HYAL4: variants seen among roughly 807,000 people sequenced by gnomAD.
HYAL4 encodes the protein hyaluronidase 4, also known as hyaluronidase-4.
A neutral mutation model predicts 35.2 loss-of-function variants in HYAL4; 37 were observed. The observed-to-expected ratio is 1.05, with a 90% CI of 0.81 to 1.38. The LOEUF is 1.38. Ranked by LOEUF, HYAL4 falls within the 40% of genes most tolerant of loss-of-function variation. HYAL4 has a pLI of 0.00. For synonymous variants in HYAL4, 198 were observed against 203.2 expected, an observed-to-expected ratio of 0.97 and a Z score of 0.22; for missense variants, 572 against 572.4, an observed-to-expected ratio of 1.00 and a Z score of 0.01.
At chr7:123,805,007 G>A in the HYAL4 span, among the ~76,000 whole-genome samples, 1 of 152,136 alleles carries the variant, frequency 6.6e-6, no homozygotes, top group African/African-American at 2.4e-5. Context: ...TTAACCTCTA[G>A]CCTTTCTTCC....
the HYAL4 span, among the ~76,000 whole-genome samples, chr7:123,807,424 T>A: frequency 6.7e-6 from 1 of 149,184 alleles, no homozygotes; most frequent in Admixed American, 6.7e-5. Context: ...TTACTTTTAC[T>A]TTTTATGGTT....
chr7:123,814,848 A>G, the HYAL4 span: 1 of 152,654 alleles, frequency 6.6e-6, no homozygotes, highest in East Asian at 1.9e-4. Context: ...AAAAAAGCGC[A>G]GCACTTTATC....
At chr7:123,819,787 C>T in the HYAL4 span, among the ~76,000 whole-genome samples, 2 of 151,924 alleles carry the variant, frequency 1.3e-5, no homozygotes, top group East Asian at 3.9e-4. Context: ...GATTAAATGG[C>T]ATAATATATA....
upstream of HYAL4, among the ~76,000 whole-genome samples, chr7:123,825,955 C>A (rs1272079608): frequency 6.6e-6 from 1 of 151,152 alleles, no homozygotes; most frequent in Non-Finnish European, 1.5e-5. Flanking sequence ...GTTAAATAAT[C>A]AAAACTATTG....
chr7:123,832,616 C>T (rs1805903147), intron 1 of HYAL4, among the ~76,000 whole-genome samples: 1 of 148,372 alleles, frequency 6.7e-6, no homozygotes, highest in South Asian at 2.2e-4. Context: ...TCTTCTGCCT[C>T]AGCCTCCCGA....
intron 2 of HYAL4, among the ~76,000 whole-genome samples, chr7:123,861,045 C>T (rs925890519): frequency 2.6e-5 from 4 of 152,242 alleles, no homozygotes; most frequent in Middle Eastern, 3.4e-3. Context: ...AGCTTTTGAC[C>T]TCTCAAATGT....
chr7:123,832,717 G>A (rs908221525), intron 1 of HYAL4, among the ~76,000 whole-genome samples: 6 of 151,614 alleles, frequency 4.0e-5, no homozygotes, highest in African/African-American at 1.5e-4. Context: ...TAGCCAGGAT[G>A]GTCTCGATCT....
At chr7:123,797,846 G>A in the HYAL4 span, among the ~76,000 whole-genome samples, 6 of 152,148 alleles carry the variant, frequency 3.9e-5, no homozygotes, top group Admixed American at 3.9e-4. Context: ...CTTTATCAAT[G>A]TTTTCTAAGA....
chr7:123,867,143 G>T (rs112379097), intron 2 of HYAL4, among the ~76,000 whole-genome samples: 1 of 152,044 alleles, frequency 6.6e-6, no homozygotes, highest in Admixed American at 6.6e-5. Flanking sequence ...CCAGGGGTTT[G>T]GTCTAGGTCC....
chr7:123,865,544 A>G (rs1806668186), intron 2 of HYAL4, among the ~76,000 whole-genome samples: 1 of 152,220 alleles, frequency 6.6e-6, no homozygotes, highest in African/African-American at 2.4e-5. Flanking sequence ...AGTATATTCA[A>G]TAAATGAAAA....
At chr7:123,810,158 T>G in the HYAL4 span, among the ~76,000 whole-genome samples, 1 of 152,222 alleles carries the variant, frequency 6.6e-6, no homozygotes, top group Non-Finnish European at 1.5e-5. Context: ...AATACTAGGT[T>G]GCTTCTGGTT....
rs770541919 is a variant in HYAL4, at chr7:123,845,202, CTTTTTTTTTTTTTTT to C, written c.-595_-581del. 4.2e-4 allele frequency: 32 copies of C among 76,878 alleles called. No individual in the cohort carries two copies. Among genetic ancestry groups the C allele is most frequent in the African/African-American group, 1.9e-3 (32 of 16,724 alleles). The allele number at this position is 76,878 out of a possible 1,614,324, so 4.8% of individuals were successfully genotyped here. A position where few individuals can be genotyped will look rare whatever the true frequency, so the allele number is the denominator to read the frequency against. ...TTATTTATGCTATCTATTTCTTTTC[CTTTTTTTTTTTTTTT>C]TTTTTTTTTGAGATGAAGTCTTACT... On this transcript the variant is annotated 5_prime_UTR_variant, in exon 1 of 5. Transcript: ENST00000223026.
intron 1 of HYAL4, among the ~76,000 whole-genome samples, chr7:123,830,874 T>C (rs569307078): frequency 6.6e-6 from 1 of 152,358 alleles, no homozygotes; most frequent in East Asian, 1.9e-4. Flanking sequence ...AGATAGATCT[T>C]GGCTTTTCTA....
chr7:123,866,480 C>A (rs1299011334), intron 2 of HYAL4, among the ~76,000 whole-genome samples: 1 of 152,148 alleles, frequency 6.6e-6, no homozygotes, highest in East Asian at 1.9e-4. Context: ...GCTTTGCCTT[C>A]CAAGATACTT....
At chr7:123,862,557 T>A (rs1195659840) in intron 2 of HYAL4, among the ~76,000 whole-genome samples, 1 of 152,176 alleles carries the variant, frequency 6.6e-6, no homozygotes, top group Non-Finnish European at 1.5e-5. Flanking sequence ...TTAAAAAACA[T>A]CGCACTGGGT....
chr7:123,792,056 A>T, the HYAL4 span, among the ~76,000 whole-genome samples: 1 of 152,198 alleles, frequency 6.6e-6, no homozygotes, highest in African/African-American at 2.4e-5. Context: ...CTTTGAAATG[A>T]GCCCTATGAA....
chr7:123,779,434 T>C, the HYAL4 span, among the ~76,000 whole-genome samples: 1 of 152,086 alleles, frequency 6.6e-6, no homozygotes, highest in African/African-American at 2.4e-5. Context: ...AGGCCTGATA[T>C]TTTCCATAGA....
chr7:123,811,572 A>G, the HYAL4 span, among the ~76,000 whole-genome samples: 2 of 152,142 alleles, frequency 1.3e-5, no homozygotes, highest in Non-Finnish European at 2.9e-5. Context: ...TGTATATTTT[A>G]GATAACACTT....
chr7:123,800,870 A>G, the HYAL4 span, among the ~76,000 whole-genome samples: 1 of 151,778 alleles, frequency 6.6e-6, no homozygotes, highest in Non-Finnish European at 1.5e-5. Context: ...CATGTTGCCC[A>G]GGCTGGTCTT....
Sources: gnomAD v4.1 joint callset for allele counts (sites outside exome capture counted in the v4.1 genomes callset) on GRCh38, gnomAD v4.1.1 for gene constraint, MANE v1.5 for transcripts, NCBI Gene and HGNC (gene_info 2026-07-23, HGNC 2026-07-21) for gene names.